Variants in APC observed in about 807,000 individuals in gnomAD.
APC encodes APC regulator of Wnt signaling pathway.
A neutral mutation model predicts 247.0 loss-of-function variants in APC; 72 were observed. The observed-to-expected ratio is 0.29, with a 90% CI of 0.24 to 0.35. The LOEUF (loss-of-function observed/expected upper bound fraction) is 0.35, where lower values mean the gene tolerates loss of function less well. Among genes scored for constraint, APC ranks in the 10% least tolerant of loss-of-function variants. The probability of loss-of-function intolerance (pLI) is 1.00; values close to 1 mark genes in which losing one functional copy is unlikely to be tolerated. For synonymous variants in APC, 1,254 were observed against 1,162.5 expected, an observed-to-expected ratio of 1.08 and a Z score of -1.60; for missense variants, 3,400 against 3,360.7, an observed-to-expected ratio of 1.01 and a Z score of -0.29.
chr5:112,819,520 A>G lies in APC; in HGVS notation c.1312+176A>G, dbSNP rs185620866. ...AGTCTGTATTTCCCTAGAAAAATTT[A>G]GCAAAGGAAAATGTTATGTGCACTA... On this transcript the variant is annotated intron_variant, in intron 10 of 15. Transcript: ENST00000257430. Among the ~76,000 whole-genome samples the G allele has an allele frequency of 2.4e-4, 37 of 152,358 alleles. 1 individual carries two copies. The East Asian group carries it at 6.5e-3, about 27-fold the overall frequency.
rs1010623341 is a variant in APC, at chr5:112,844,105, T to C, written c.8511T>C (p.Ser2837=). 5 of 1,612,964 alleles carry C rather than the reference T, an allele frequency of 3.1e-6. No individual in the cohort carries two copies. The highest frequency in any genetic ancestry group is 3.4e-6 in the Non-Finnish European group (4 of 1,179,422). The change falls in exon 16 of 16, where the codon TCT becomes TCC. Residue 2837 remains serine (S), a synonymous_variant. Transcript: ENST00000257430. The part of the protein sequence containing the change: ...GTQSPKRHSG[S]YLVTSV ...AAAGTCCTAAGCGCCATTCTGGGTC[T>C]TACCTTGTGACATCTGTTTAAAAGA...
rs374195067 is a variant in APC, at chr5:112,821,925, C to G, written c.1342C>G (p.Pro448Ala). 2.5e-6 allele frequency: 4 copies of G among 1,612,982 alleles called. No homozygotes were observed. In the African/African-American group the frequency reaches 4.0e-5, roughly 16 times the overall value. ...AGCTCCTGTTGAACATCAGATCTGTCCTGCTGTGTGTGTTCTAATGAAACT... is the reference window on the plus strand; with the variant it reads ...AGCTCCTGTTGAACATCAGATCTGTGCTGCTGTGTGTGTTCTAATGAAACT... Reference protein sequence around the residue: ...MPAPVEHQICPAVCVLMKLSF... With the variant: ...MPAPVEHQICAAVCVLMKLSF... The change falls in exon 11 of 16, where the codon CCT becomes GCT. Residue 448 changes from proline (P) to alanine (A), a missense_variant. Coordinates refer to ENST00000257430, the MANE Select transcript of APC (RefSeq NM_000038.6).
intron 5 of APC, among the ~76,000 whole-genome samples, chr5:112,776,953 G>T (rs1757727717): frequency 6.6e-6 from 1 of 152,072 alleles, no homozygotes; most frequent in Admixed American, 6.5e-5. Context: ...GGATTTGTCT[G>T]GTTTCCTCAT....
chr5:112,844,117 A>T lies in APC; in HGVS notation c.8523A>T (p.Thr2841=), dbSNP rs753003333. 6.2e-7 allele frequency: 1 copy of T among 1,611,568 alleles called. No individual in the cohort carries two copies. The highest frequency in any genetic ancestry group is 8.5e-7 in the Non-Finnish European group (1 of 1,177,798). ...GCCATTCTGGGTCTTACCTTGTGAC[A>T]TCTGTTTAAAAGAGAGGAAGAATGA... ...PKRHSGSYLV[T]SV The change falls in exon 16 of 16, where the codon ACA becomes ACT. Residue 2841 remains threonine, a synonymous_variant. Coordinates refer to ENST00000257430, the MANE Select transcript of APC (RefSeq NM_000038.6).
At chr5:112,730,855 A>G (rs1293483051) in intron 1 of APC, among the ~76,000 whole-genome samples, 2 of 152,142 alleles carry the variant, frequency 1.3e-5, no homozygotes, top group East Asian at 3.8e-4. Context: ...CTTAAAAAAA[A>G]TGGAAAGAAA....
intron 4 of APC, among the ~76,000 whole-genome samples, chr5:112,774,148 CAA>C (rs1272014385): frequency 3.3e-5 from 5 of 152,034 alleles, no homozygotes; most frequent in Non-Finnish European, 5.9e-5. Context: ...AAGTACCCTC[CAA>C]CTAAGAGTTG....
chr5:112,718,153 C>A (rs1203989995), intron 1 of APC, among the ~76,000 whole-genome samples: 1 of 151,240 alleles, frequency 6.6e-6, no homozygotes, highest in Non-Finnish European at 1.5e-5. Flanking sequence ...TTAAGTGTGG[C>A]CTTTATCCCC....
intron 1 of APC, among the ~76,000 whole-genome samples, chr5:112,742,419 TG>T (rs1226131455): frequency 1.3e-5 from 2 of 152,222 alleles, no homozygotes; most frequent in Non-Finnish European, 2.9e-5. Flanking sequence ...AAACAGTTTC[TG>T]TGGGGCAAGA....
intron 1 of APC, among the ~76,000 whole-genome samples, chr5:112,753,966 G>A (rs1364289283): frequency 6.6e-6 from 1 of 151,996 alleles, no homozygotes; most frequent in Non-Finnish European, 1.5e-5. Flanking sequence ...ATCTTACTTG[G>A]TTAATCTTAA....
chr5:112,838,258 C>G lies in APC; in HGVS notation c.2664C>G (p.Ala888=). The G allele has an allele frequency of 6.2e-7, 1 of 1,614,180 alleles. No homozygotes were observed. The highest frequency in any genetic ancestry group is 8.5e-7 in the Non-Finnish European group (1 of 1,180,034). ...LQISTTAAQI[A]KVMEEVSAIH... is the part of the protein sequence containing the mutation. The stretch of plus-strand genomic sequence containing the variant: ...TCTCCACCACTGCAGCCCAGATTGC[C>G]AAAGTCATGGAAGAAGTGTCAGCCA... The change falls in exon 16 of 16, where the codon GCC becomes GCG. Residue 888 remains alanine, a synonymous_variant. Transcript: ENST00000257430.
At chr5:112,786,312 A>G (rs1348591427) in intron 6 of APC, among the ~76,000 whole-genome samples, 1 of 152,212 alleles carries the variant, frequency 6.6e-6, no homozygotes, top group Non-Finnish European at 1.5e-5. Context: ...AAAGATGGCA[A>G]ATGACCAGTA....
rs776278371 is a variant in APC, at chr5:112,839,796, T to C, written c.4202T>C (p.Ile1401Thr). Residue 1401 changes from isoleucine (I) to threonine (T), a missense_variant, in exon 16 of 16, where the codon ATT (isoleucine) becomes ACT (threonine). Ile to Thr is a moderately conservative substitution (Grantham distance 89, BLOSUM62 -1). This residue lies in a region of APC where 40 missense variants were observed against 75.6 expected (regional missense o/e 0.53). Transcript: ENST00000257430. The surrounding 1 kb of genome is among the most constrained non-coding windows in gnomAD (Gnocchi z 5.0). The part of the protein sequence containing the change: ...SSLDSFESRS[I>T]ASSVQSEPCS... ...CTTGATAGTTTTGAGAGTCGTTCGATTGCCAGCTCCGTTCAGAGTGAACCA... is the reference window on the plus strand; with the variant it reads ...CTTGATAGTTTTGAGAGTCGTTCGACTGCCAGCTCCGTTCAGAGTGAACCA... The C allele has an allele frequency of 1.2e-6, 2 of 1,614,082 alleles. No individual in the cohort carries two copies. Among genetic ancestry groups the C allele is most frequent in the East Asian group, 2.2e-5 (1 of 44,876 alleles).
intron 5 of APC, chr5:112,778,490 A>G (rs888027177): frequency 2.6e-5 from 4 of 151,508 alleles, no homozygotes; most frequent in Admixed American, 6.6e-5. Context: ...AAAGAAAATT[A>G]TATAATCTCA....
intron 11 of APC, among the ~76,000 whole-genome samples, chr5:112,823,156 A>G (rs1763311782): frequency 6.6e-6 from 1 of 152,262 alleles, no homozygotes; most frequent in South Asian, 2.1e-4. Context: ...AATAATGAAT[A>G]AACAGGAAAA....
At position 112,846,229 on chromosome 5, in the gene APC, A is replaced by C. The variant is rs1673216741; in HGVS notation, c.*2103A>C. The C allele has an allele frequency of 4.4e-6, 1 of 229,428 alleles. No homozygotes were observed. The highest frequency in any genetic ancestry group is 8.6e-6 in the Non-Finnish European group (1 of 115,684). 14.2% of individuals were successfully genotyped at this position (229,428 alleles called of 1,614,324 possible). A position where few individuals can be genotyped will look rare whatever the true frequency, so the allele number is the denominator to read the frequency against. On this transcript the variant is annotated 3_prime_UTR_variant, in exon 16 of 16. Coordinates refer to ENST00000257430, the MANE Select transcript of APC (RefSeq NM_000038.6). ...TTTCCCAGGCTTCCATAAACAATGGAGATACATGCATATAGGTCATACTGG... is the reference window on the plus strand; with the variant it reads ...TTTCCCAGGCTTCCATAAACAATGGCGATACATGCATATAGGTCATACTGG...
chr5:112,737,408 GATCT>G (rs1263458218), upstream of APC, among the ~76,000 whole-genome samples: 1 of 152,182 alleles, frequency 6.6e-6, no homozygotes, highest in Admixed American at 6.5e-5. Context: ...TAATTCGAGT[GATCT>G]ATCTAACAAG....
intron 8 of APC, chr5:112,810,213 GA>G (rs971637435): frequency 4.4e-6 from 2 of 451,912 alleles, no homozygotes; most frequent in Non-Finnish European, 8.9e-6. Context: ...GAGAAATGGA[GA>G]GAGAAAGGAT....
Position 112,839,926 on chromosome 5 carries a change from A to T in APC, c.4332A>T (p.Gln1444His), listed in dbSNP as rs748342378. The change falls in exon 16 of 16, where the codon CAA becomes CAT. Residue 1444 changes from glutamine (Q) to histidine (H), a missense_variant. Transcript: ENST00000257430. The surrounding 1 kb of genome is among the most constrained non-coding windows in gnomAD (Gnocchi z 5.0). ...GTAAAACACCTCCACCACCTCCTCA[A>T]ACAGCTCAAACCAAGCGAGAAGTAC... Reference protein sequence around the residue: ...SRSKTPPPPPQTAQTKREVPK... With the variant: ...SRSKTPPPPPHTAQTKREVPK... 1.2e-5 allele frequency: 20 copies of T among 1,613,916 alleles called. No individual in the cohort carries two copies. The highest frequency in any genetic ancestry group is 1.7e-5 in the Non-Finnish European group (20 of 1,179,998).
At chr5:112,788,829 C>A (rs543901359) in intron 6 of APC, among the ~76,000 whole-genome samples, 132 of 152,200 alleles carry the variant, frequency 8.7e-4, no homozygotes, top group African/African-American at 2.9e-3. Flanking sequence ...ATATCATCGC[C>A]GGTTTAAGAT....
Sources: gnomAD v4.1 joint callset for allele counts (sites outside exome capture counted in the v4.1 genomes callset) on GRCh38, gnomAD v4.1.1 for gene constraint, gnomAD v4.1.1 regional missense constraint, Gnocchi (gnomAD v3.1) non-coding constraint, MANE v1.5 for transcripts, NCBI Gene and HGNC (gene_info 2026-07-23, HGNC 2026-07-21) for gene names.